NEK4: variants seen among roughly 807,000 people sequenced by gnomAD.
NEK4 encodes the protein serine/threonine-protein kinase Nek4.
A neutral mutation model predicts 98.4 loss-of-function variants in NEK4; 86 were observed. The ratio of observed to expected loss-of-function variants is 0.87; its 90% confidence interval spans 0.73 to 1.05. NEK4 has a LOEUF of 1.05. NEK4 is among the 50% of genes least tolerant of loss of function. The probability of loss-of-function intolerance (pLI) is 0.00; values close to 1 mark genes in which losing one functional copy is unlikely to be tolerated. For synonymous variants in NEK4, 328 were observed against 342.2 expected, an observed-to-expected ratio of 0.96 and a Z score of 0.46; for missense variants, 898 against 950.3, an observed-to-expected ratio of 0.94 and a Z score of 0.72.
rs530609411 is a variant in NEK4, at chr3:52,766,935, A to G, written c.361-560T>C. Among the ~76,000 whole-genome samples the G allele has an allele frequency of 3.9e-5, 6 of 152,260 alleles. No homozygotes were observed. In the East Asian group the frequency reaches 1.2e-3, roughly 29 times the overall value. On this transcript the variant is annotated intron_variant, in intron 2 of 15. Coordinates refer to ENST00000233027, the MANE Select transcript of NEK4 (RefSeq NM_003157.6). ...CGGGAAGCGGAGCTTGCAGTGAGCC[A>G]AGATTGCGCCACTGCAGTCCGTAGT...
chr3:52,733,312 C>A, intron 15 of NEK4: 1 of 351,382 alleles, frequency 2.8e-6, no homozygotes, highest in East Asian at 7.4e-5. Flanking sequence ...TGTTTAACAG[C>A]AATTCAAACC....
At chr3:52,716,011 G>A (rs1291328589) in intron 15 of NEK4, among the ~76,000 whole-genome samples, 1 of 152,172 alleles carries the variant, frequency 6.6e-6, no homozygotes, top group Non-Finnish European at 1.5e-5. Context: ...AGCTGCTTGA[G>A]GTGCACCTGG....
chr3:52,761,580 A>G (rs1202974723), intron 5 of NEK4, among the ~76,000 whole-genome samples: 1 of 152,054 alleles, frequency 6.6e-6, no homozygotes, highest in Non-Finnish European at 1.5e-5. Context: ...GCCACCATGC[A>G]TGGCCAAGTC....
chr3:52,762,216 T>C (rs1698383344), intron 5 of NEK4, among the ~76,000 whole-genome samples: 1 of 152,196 alleles, frequency 6.6e-6, no homozygotes, highest in Non-Finnish European at 1.5e-5. Flanking sequence ...AGGAATTCTC[T>C]TGGGAAGTTA....
intron 6 of NEK4, among the ~76,000 whole-genome samples, chr3:52,757,831 A>G (rs1375319585): frequency 6.6e-6 from 1 of 152,214 alleles, no homozygotes; most frequent in Non-Finnish European, 1.5e-5. Context: ...CAAATAATGC[A>G]AGATCTCCTT....
intron 6 of NEK4, 43 bp from the exon 7 acceptor site, chr3:52,752,379 A>G (rs1043892879): frequency 1.3e-6 from 2 of 1,546,320 alleles, no homozygotes; most frequent in Admixed American, 2.1e-5. Context: ...CACTCCTCAT[A>G]TCTTATACAA....
At chr3:52,716,966 G>A (rs2097355671) in intron 15 of NEK4, among the ~76,000 whole-genome samples, 1 of 152,194 alleles carries the variant, frequency 6.6e-6, no homozygotes, top group African/African-American at 2.4e-5. Context: ...CTTCTTGGGA[G>A]GGCAGGCCAT....
At chr3:52,740,288 T>C (rs1294923144) in intron 13 of NEK4, among the ~76,000 whole-genome samples, 4 of 152,020 alleles carry the variant, frequency 2.6e-5, no homozygotes, top group African/African-American at 4.8e-5. Flanking sequence ...AAATGGGTAG[T>C]ATAAATATCT....
intron 15 of NEK4, among the ~76,000 whole-genome samples, chr3:52,717,912 G>A (rs990582935): frequency 2.2e-4 from 33 of 151,832 alleles, no homozygotes; most frequent in African/African-American, 7.5e-4. Context: ...TCATGCCTCA[G>A]CCTCCCGAGT....
intron 15 of NEK4, among the ~76,000 whole-genome samples, chr3:52,712,206 CATTTAT>C (rs1391944061): frequency 1.3e-5 from 2 of 152,336 alleles, no homozygotes; most frequent in Admixed American, 1.3e-4. Context: ...TCAGCAAATT[CATTTAT>C]ATATGTATGT....
intron 6 of NEK4, among the ~76,000 whole-genome samples, chr3:52,756,417 T>C (rs1381385892): frequency 6.6e-6 from 1 of 152,072 alleles, no homozygotes; most frequent in Non-Finnish European, 1.5e-5. Context: ...TAGAAACCAA[T>C]GGAACAGAAT....
chr3:52,715,408 A>G (rs2097354244), intron 15 of NEK4, among the ~76,000 whole-genome samples: 2 of 152,068 alleles, frequency 1.3e-5, no homozygotes, highest in South Asian at 4.1e-4. Flanking sequence ...TTTTTCTGAG[A>G]CGGAGCCTTG....
At chr3:52,750,875 G>A (rs1476425681) in intron 7 of NEK4, among the ~76,000 whole-genome samples, 1 of 152,164 alleles carries the variant, frequency 6.6e-6, no homozygotes, top group Non-Finnish European at 1.5e-5. Flanking sequence ...AGGCTGCAGT[G>A]AGCTGTGTTT....
chr3:52,738,689 A>T lies in NEK4; in HGVS notation c.2299+740T>A, dbSNP rs539641029. On this transcript the variant is annotated intron_variant, in intron 14 of 15. Coordinates refer to ENST00000233027, the MANE Select transcript of NEK4 (RefSeq NM_003157.6). The stretch of plus-strand genomic sequence containing the variant: ...TGGTCTCAAACTCTTGGACTCAAGC[A>T]ATCTGCCCTCCTCAGCCTCCCAAAG... Among the ~76,000 whole-genome samples the T allele has an allele frequency of 2.0e-5, 3 of 152,190 alleles. No individual in the cohort carries two copies. In the South Asian group the frequency reaches 6.2e-4, roughly 32 times the overall value.
In NEK4 at chr3:52,711,683, T is replaced by C. The variant is rs2097350540; in HGVS notation, c.*94A>G. 3 of 741,950 alleles carry C rather than the reference T, an allele frequency of 4.0e-6. No individual in the cohort carries two copies. The highest frequency in any genetic ancestry group is 7.2e-6 in the Non-Finnish European group (3 of 414,578). The allele number at this position is 741,950 out of a possible 1,614,324, so 46.0% of individuals were successfully genotyped here. A position where few individuals can be genotyped will look rare whatever the true frequency, so the allele number is the denominator to read the frequency against. ...ATAAAAAAGAGATATAAAACAGTGG[T>C]GAGTGGCTTCCAAATGACTGTTTGC... is the stretch of plus-strand genomic sequence containing the variant. On this transcript the variant is annotated 3_prime_UTR_variant, in exon 16 of 16. Transcript: ENST00000233027.
In NEK4 at chr3:52,712,511, A is replaced by G. The variant is rs138522038; in HGVS notation, c.2434-642T>C. Among the ~76,000 whole-genome samples the G allele has an allele frequency of 2.0e-3, 311 of 152,094 alleles. 1 individual carries two copies. The highest frequency in any genetic ancestry group is 6.8e-3 in the Middle Eastern group (2 of 294). ...AGGCAGCTTGTGTTAGCTCAATTAG[A>G]CCCTTGCCCTATCTCAAGGACAGAG... is the stretch of plus-strand genomic sequence containing the variant. On this transcript the variant is annotated intron_variant, in intron 15 of 15. Coordinates refer to ENST00000233027, the MANE Select transcript of NEK4 (RefSeq NM_003157.6).
intron 15 of NEK4, among the ~76,000 whole-genome samples, chr3:52,724,873 T>C (rs1186812239): frequency 6.6e-6 from 1 of 152,224 alleles, no homozygotes; most frequent in Non-Finnish European, 1.5e-5. Context: ...ATTAGCTTGA[T>C]TTAATCAAAA....
chr3:52,731,735 C>T (rs1203318708), intron 15 of NEK4, among the ~76,000 whole-genome samples: 1 of 152,098 alleles, frequency 6.6e-6, no homozygotes, highest in Non-Finnish European at 1.5e-5. Context: ...TGCCCAGGCC[C>T]GTCTCAAACT....
chr3:52,732,856 G>T, intron 15 of NEK4: 1 of 231,194 alleles, frequency 4.3e-6, no homozygotes, highest in South Asian at 8.1e-5. Flanking sequence ...GCTGTACATT[G>T]GGAAGTAATA....
Sources: gnomAD v4.1 joint callset for allele counts (sites outside exome capture counted in the v4.1 genomes callset) on GRCh38, gnomAD v4.1.1 for gene constraint, MANE v1.5 for transcripts, NCBI Gene and HGNC (gene_info 2026-07-23, HGNC 2026-07-21) for gene names.